Variants in PPIP5K2 observed in about 807,000 individuals in gnomAD.
PPIP5K2 encodes the protein diphosphoinositol pentakisphosphate kinase 2.
A neutral mutation model predicts 154.6 loss-of-function variants in PPIP5K2; 105 were observed. The observed-to-expected ratio is 0.68, with a 90% CI of 0.58 to 0.80. PPIP5K2 has a LOEUF of 0.80. Ranked by LOEUF, PPIP5K2 falls within the 30% of genes least tolerant of loss-of-function variation. The pLI is 0.00. For synonymous variants in PPIP5K2, 480 were observed against 490.3 expected (o/e 0.98, Z 0.28); for missense variants, 992 against 1,504.6 (o/e 0.66, Z 5.64).
rs17155079 is a variant in PPIP5K2, at chr5:103,124,492, C to T, written c.-285+4004C>T. On this transcript the variant is annotated intron_variant, in intron 1 of 30. Coordinates refer to ENST00000358359, the MANE Select transcript of PPIP5K2 (RefSeq NM_001276277.3). ...GACTTCCATTTGCAACCCTTATTGG[C>T]TCTGTGATGATGATCAAATTACCTG... is the stretch of plus-strand genomic sequence containing the variant. 9.8e-3 allele frequency among the ~76,000 whole-genome samples: 1,485 copies of T among 152,144 alleles called. 9 individuals are homozygous for T. Among genetic ancestry groups the T allele is most frequent in the African/African-American group, 0.013 (528 of 41,512 alleles).
intron 1 of PPIP5K2, among the ~76,000 whole-genome samples, chr5:103,128,844 CTG>C (rs1341757584): frequency 6.6e-6 from 1 of 152,110 alleles, no homozygotes; most frequent in African/African-American, 2.4e-5. Context: ...CCTAAAAAAA[CTG>C]TTTACAGACA....
At chr5:103,192,672 A>G (rs1446911641) in intron 29 of PPIP5K2, among the ~76,000 whole-genome samples, 3 of 152,042 alleles carry the variant, frequency 2.0e-5, no homozygotes, top group Non-Finnish European at 4.4e-5. Flanking sequence ...GTTCTGTGGT[A>G]CTCTTGATGG....
chr5:103,162,350 C>CT (rs200973581), intron 17 of PPIP5K2, among the ~76,000 whole-genome samples: 34,331 of 138,444 alleles, frequency 0.25, 4,600 homozygotes, highest in East Asian at 0.43. Flanking sequence ...GATGTGTTTT[C>CT]TTTTTTTTTT....
intron 1 of PPIP5K2, among the ~76,000 whole-genome samples, chr5:103,128,669 T>A (rs28021): frequency 6.6e-6 from 1 of 152,168 alleles, no homozygotes; most frequent in Non-Finnish European, 1.5e-5. Context: ...TTAGTGCACA[T>A]GTACTTTTTT....
chr5:103,163,883 T>C (rs1796731188), intron 17 of PPIP5K2, among the ~76,000 whole-genome samples: 1 of 152,016 alleles, frequency 6.6e-6, no homozygotes, highest in Admixed American at 6.6e-5. Flanking sequence ...ATTTTGAATC[T>C]ATGTTCATGT....
chr5:103,165,305 C>T (rs1554217448), intron 17 of PPIP5K2, among the ~76,000 whole-genome samples: 1 of 152,036 alleles, frequency 6.6e-6, no homozygotes, highest in African/African-American at 2.4e-5. Flanking sequence ...GTCCCCCTCA[C>T]AGTAAAAAAA....
intron 30 of PPIP5K2, among the ~76,000 whole-genome samples, chr5:103,199,820 G>C (rs1802691600): frequency 6.6e-6 from 1 of 151,844 alleles, no homozygotes; most frequent in Non-Finnish European, 1.5e-5. Flanking sequence ...TTTTTTTGCA[G>C]GGATTTTTCT....
At chr5:103,154,402 T>C (rs1363242263) in intron 11 of PPIP5K2, among the ~76,000 whole-genome samples, 4 of 152,104 alleles carry the variant, frequency 2.6e-5, no homozygotes, top group Admixed American at 2.6e-4. Context: ...TATAATATTA[T>C]GAACTATAAT....
intron 30 of PPIP5K2, among the ~76,000 whole-genome samples, chr5:103,199,930 A>G (rs114951332): frequency 1.3e-3 from 200 of 152,218 alleles, no homozygotes; most frequent in African/African-American, 4.6e-3. Context: ...CTCCAAAGTG[A>G]TCTGTATCAA....
At chr5:103,197,085 A>G (rs960762585) in intron 30 of PPIP5K2, among the ~76,000 whole-genome samples, 1 of 152,162 alleles carries the variant, frequency 6.6e-6, no homozygotes, top group Non-Finnish European at 1.5e-5. Context: ...TTGATTTTGA[A>G]GAAATTTGCA....
chr5:103,171,185 T>C lies in PPIP5K2; in HGVS notation c.2287-1970T>C, dbSNP rs536344914. ...GATAGGTGTTTATGCTACAATAGAA[T>C]CAAATTTTCACTTTTTAACCAGGCT... On this transcript the variant is annotated intron_variant, in intron 19 of 30. Transcript: ENST00000358359. 2.6e-5 allele frequency among the ~76,000 whole-genome samples: 4 copies of C among 151,672 alleles called. No homozygotes were observed. The South Asian group carries it at 8.3e-4, about 31-fold the overall frequency.
At chr5:103,127,362 T>A (rs1789868947) in intron 1 of PPIP5K2, among the ~76,000 whole-genome samples, 1 of 152,096 alleles carries the variant, frequency 6.6e-6, no homozygotes, top group Non-Finnish European at 1.5e-5. Context: ...TTATTGGTGG[T>A]TTATCACACT....
At chr5:103,136,291 A>G (rs1168980961) in intron 3 of PPIP5K2, among the ~76,000 whole-genome samples, 3 of 152,192 alleles carry the variant, frequency 2.0e-5, no homozygotes, top group East Asian at 1.9e-4. Context: ...TTAAAGGCAC[A>G]TAAGTCTTTG....
At chr5:103,139,374 A>G (rs945749833) in intron 5 of PPIP5K2, among the ~76,000 whole-genome samples, 5 of 152,182 alleles carry the variant, frequency 3.3e-5, no homozygotes, top group African/African-American at 1.2e-4. Context: ...GCCATGCAAG[A>G]ATGCACCTTC....
chr5:103,142,386 G>A (rs1439486582), intron 5 of PPIP5K2, among the ~76,000 whole-genome samples: 7 of 152,004 alleles, frequency 4.6e-5, no homozygotes, highest in South Asian at 2.1e-4. Flanking sequence ...CGCAAGCACC[G>A]CCCCGCAGCC....
At chr5:103,143,731 A>C (rs1793248239) in intron 5 of PPIP5K2, among the ~76,000 whole-genome samples, 2 of 152,192 alleles carry the variant, frequency 1.3e-5, no homozygotes, top group Non-Finnish European at 1.5e-5. Flanking sequence ...GATAAAATTA[A>C]ACATCCCTTC....
intron 21 of PPIP5K2, among the ~76,000 whole-genome samples, chr5:103,177,072 A>G (rs1798834661): frequency 1.3e-5 from 2 of 151,958 alleles, no homozygotes; most frequent in African/African-American, 4.8e-5. Flanking sequence ...GTGGTTATGA[A>G]ATATGATACT....
At chr5:103,174,038 T>C in intron 21 of PPIP5K2, 66 bp downstream of exon 21, 1 of 1,211,016 alleles carries the variant, frequency 8.3e-7, no homozygotes. Context: ...CACTAACTGC[T>C]ATTTTTACTG....
intron 28 of PPIP5K2, among the ~76,000 whole-genome samples, chr5:103,188,221 T>A (rs186452884): frequency 6.6e-6 from 1 of 152,312 alleles, no homozygotes; most frequent in East Asian, 1.9e-4. Flanking sequence ...CATTTTACAA[T>A]AATTCAGGAT....
Sources: allele counts gnomAD v4.1 joint callset (sites outside exome capture counted in the v4.1 genomes callset), GRCh38; gene constraint gnomAD v4.1.1; transcripts MANE v1.5; gene names NCBI Gene and HGNC (gene_info 2026-07-23, HGNC 2026-07-21).